Variants in SELENOI observed in about 807,000 individuals in gnomAD.
SELENOI encodes ethanolaminephosphotransferase 1.
Under a neutral mutation model 50.7 loss-of-function variants are expected in SELENOI, and 24 were observed. The observed-to-expected ratio is 0.47, with a 90% confidence interval of 0.34 to 0.67. SELENOI has a LOEUF of 0.67. Ranked by LOEUF, SELENOI falls within the 30% of genes least tolerant of loss-of-function variation. The probability of loss-of-function intolerance (pLI) is 0.01; values close to 1 mark genes in which losing one functional copy is unlikely to be tolerated. For synonymous variants in SELENOI, 155 were observed against 170.2 expected (o/e 0.91, Z 0.70); for missense variants, 352 against 461.4 (o/e 0.76, Z 2.17).
intron 1 of SELENOI, among the ~76,000 whole-genome samples, chr2:26,348,001 T>A (rs543280400): frequency 1.3e-5 from 2 of 152,206 alleles, no homozygotes; most frequent in Non-Finnish European, 2.9e-5. Context: ...TTTGTTGATA[T>A]CATTTTAGTT....
Position 26,361,965 on chromosome 2 carries a change from A to G in SELENOI, c.58-2337A>G, listed in dbSNP as rs547506015. On this transcript the variant is annotated intron_variant, in intron 1 of 9. Transcript: ENST00000260585. ...GAGCCACGCACCTAGCCAGCCCATC[A>G]TCATTTCTTACTACTGTCTCAGATC... is the stretch of plus-strand genomic sequence containing the variant. Among the ~76,000 whole-genome samples, 31 of 152,202 alleles carry G rather than the reference A, an allele frequency of 2.0e-4. 1 individual carries two copies. In the South Asian group the frequency reaches 5.2e-3, roughly 25 times the overall value.
intron 1 of SELENOI, among the ~76,000 whole-genome samples, chr2:26,349,902 G>A (rs1676918308): frequency 8.3e-6 from 1 of 120,696 alleles, no homozygotes; most frequent in South Asian, 2.9e-4. Flanking sequence ...GAGGATAGAA[G>A]TTGGGCAACA....
At chr2:26,360,426 C>A (rs563035626) in intron 1 of SELENOI, among the ~76,000 whole-genome samples, 1 of 152,250 alleles carries the variant, frequency 6.6e-6, no homozygotes, top group South Asian at 2.1e-4. Flanking sequence ...CTCCTGAAGT[C>A]GAAATTTCAT....
Position 26,392,841 on chromosome 2 carries a change from T to G in SELENOI, c.*3738T>G, listed in dbSNP as rs765833667. 2 of 152,232 alleles carry G rather than the reference T, an allele frequency of 1.3e-5. No individual in the cohort carries two copies. Among genetic ancestry groups the G allele is most frequent in the Admixed American group, 6.5e-5 (1 of 15,274 alleles). The allele number at this position is 152,232 out of a possible 1,614,324, so 9.4% of individuals were successfully genotyped here. A position where few individuals can be genotyped will look rare whatever the true frequency, so the allele number is the denominator to read the frequency against. On this transcript the variant is annotated 3_prime_UTR_variant, in exon 10 of 10. Transcript: ENST00000260585. ...TCAGACCAGAATTTTCTTTGTCCCA[T>G]GAGGTGTCTTTGTAAGTCAGCATGC...
chr2:26,350,850 G>A (rs1676941407), intron 1 of SELENOI, among the ~76,000 whole-genome samples: 1 of 152,060 alleles, frequency 6.6e-6, no homozygotes, highest in African/African-American at 2.4e-5. Context: ...AGGAGAGAGA[G>A]AGAGATGCTG....
chr2:26,370,473 T>C (rs921722362), intron 4 of SELENOI, among the ~76,000 whole-genome samples: 2 of 150,748 alleles, frequency 1.3e-5, no homozygotes, highest in Non-Finnish European at 3.0e-5. Flanking sequence ...ACGGGGCGGC[T>C]GGCTGGGCGG....
chr2:26,382,825 T>TA (rs1038628120), intron 6 of SELENOI, among the ~76,000 whole-genome samples: 155 of 135,944 alleles, frequency 1.1e-3, no homozygotes, highest in Middle Eastern at 3.9e-3. Flanking sequence ...CCTGTTTCCA[T>TA]AAAAAAAAAA....
chr2:26,350,213 A>G (rs1428307658), intron 1 of SELENOI, among the ~76,000 whole-genome samples: 1 of 151,960 alleles, frequency 6.6e-6, no homozygotes, highest in African/African-American at 2.4e-5. Context: ...GCCTGATTAT[A>G]GGAATCATGA....
At chr2:26,377,430 G>GA (rs1051763687) in intron 6 of SELENOI, among the ~76,000 whole-genome samples, 1 of 152,116 alleles carries the variant, frequency 6.6e-6, no homozygotes, top group African/African-American at 2.4e-5. Flanking sequence ...AGGAAGTCAA[G>GA]ACCAGCCTGG....
intron 4 of SELENOI, among the ~76,000 whole-genome samples, chr2:26,370,245 C>T (rs1051182960): frequency 7.2e-5 from 11 of 151,862 alleles, no homozygotes; most frequent in Non-Finnish European, 1.5e-4. Context: ...TGAAAAGTCT[C>T]CCATGTCTAC....
chr2:26,360,179 A>T (rs1335025075), intron 1 of SELENOI, among the ~76,000 whole-genome samples: 1 of 152,210 alleles, frequency 6.6e-6, no homozygotes, highest in Admixed American at 6.5e-5. Flanking sequence ...TTTCATGAAC[A>T]TGGAAGGTTC....
At chr2:26,383,463 C>T (rs1259731417) in intron 7 of SELENOI, 116 bp downstream of exon 7, 5 of 709,958 alleles carry the variant, frequency 7.0e-6, no homozygotes, top group Non-Finnish European at 9.2e-6. Context: ...GGTCACAAAA[C>T]CTATATTTTA....
intron 3 of SELENOI, among the ~76,000 whole-genome samples, chr2:26,366,110 G>C (rs1284991807): frequency 2.0e-5 from 3 of 151,982 alleles, no homozygotes; most frequent in Admixed American, 2.0e-4. Flanking sequence ...CAAGACTTTT[G>C]ATACTATAGA....
intron 4 of SELENOI, among the ~76,000 whole-genome samples, chr2:26,373,063 A>T (rs1348844180): frequency 6.6e-6 from 1 of 152,002 alleles, no homozygotes; most frequent in Non-Finnish European, 1.5e-5. Context: ...TAATTTTTAA[A>T]TTTTTTGTAA....
intron 6 of SELENOI, among the ~76,000 whole-genome samples, chr2:26,375,550 A>T (rs556407377): frequency 1.3e-3 from 198 of 152,366 alleles, no homozygotes; most frequent in African/African-American, 4.5e-3. Context: ...CACTCAAAAA[A>T]TTAAGCTTCT....
chr2:26,389,112 C>T lies in SELENOI; in HGVS notation c.*9C>T, dbSNP rs763973702. On this transcript the variant is annotated 3_prime_UTR_variant, in exon 10 of 10. Transcript: ENST00000260585. Reference sequence around the variant, plus strand: ...AGAATATTGGCCTGTAATAATCTTTCTTTGGGCACAAAGAAGTACTGTAAA... The same window carrying T: ...AGAATATTGGCCTGTAATAATCTTTTTTTGGGCACAAAGAAGTACTGTAAA... 2 of 1,541,678 alleles carry T rather than the reference C, an allele frequency of 1.3e-6. No individual in the cohort carries two copies. The highest frequency in any genetic ancestry group is 2.4e-5 in the South Asian group (2 of 84,270).
At chr2:26,376,110 GAATA>G (rs1328956079) in intron 6 of SELENOI, among the ~76,000 whole-genome samples, 2 of 142,260 alleles carry the variant, frequency 1.4e-5, no homozygotes, top group Non-Finnish European at 3.1e-5. Context: ...AAAAAAAAAA[GAATA>G]AATAAAAAAT....
In SELENOI at chr2:26,395,233, C is replaced by T. The variant is rs981075031; in HGVS notation, c.*6130C>T. On this transcript the variant is annotated 3_prime_UTR_variant, in exon 10 of 10. Transcript: ENST00000260585. ...TCTGCTTGATTATCAGCAAAATGGTCAGCCTTTATCAGATAGTTTCTTCAT... is the reference window on the plus strand; with the variant it reads ...TCTGCTTGATTATCAGCAAAATGGTTAGCCTTTATCAGATAGTTTCTTCAT... 7.9e-5 allele frequency: 12 copies of T among 152,184 alleles called. No homozygotes were observed. Among genetic ancestry groups the T allele is most frequent in the African/African-American group, 2.9e-4 (12 of 41,432 alleles). 9.4% of individuals were successfully genotyped at this position (152,184 alleles called of 1,614,324 possible). A position where few individuals can be genotyped will look rare whatever the true frequency, so the allele number is the denominator to read the frequency against.
intron 6 of SELENOI, among the ~76,000 whole-genome samples, chr2:26,379,625 C>A (rs976308331): frequency 2.0e-5 from 3 of 151,886 alleles, no homozygotes; most frequent in Admixed American, 2.0e-4. Context: ...TATATTTTAA[C>A]CTGCTACCTT....
Sources: gnomAD v4.1 joint callset for allele counts (sites outside exome capture counted in the v4.1 genomes callset) on GRCh38, gnomAD v4.1.1 for gene constraint, MANE v1.5 for transcripts, NCBI Gene and HGNC (gene_info 2026-07-23, HGNC 2026-07-21) for gene names.